Variants in LHX9 observed in about 807,000 individuals in gnomAD.
LHX9 encodes LIM homeobox 9, also known as LIM/homeobox protein Lhx9.
LHX9 carries 9 observed loss-of-function variants against 36.5 expected under a neutral mutation model. The ratio of observed to expected loss-of-function variants is 0.25; its 90% confidence interval spans 0.15 to 0.43. The LOEUF (loss-of-function observed/expected upper bound fraction) is 0.43. Ranked by LOEUF, LHX9 falls within the 20% of genes least tolerant of loss-of-function variation. LHX9 has a pLI of 1.00. For synonymous variants in LHX9, 211 were observed against 212.1 expected (o/e 0.99, Z 0.04); for missense variants, 464 against 526.4 (o/e 0.88, Z 1.16).
At chr1:197,916,668 A>C (rs1659765849), upstream of LHX9, 1 of 702,838 alleles carries the variant, frequency 1.4e-6, no homozygotes, top group Non-Finnish European at 2.6e-6. Flanking sequence ...TGCCAAAAGT[A>C]ACCCTGAGAA....
intron 3 of LHX9, among the ~76,000 whole-genome samples, chr1:197,923,222 C>T (rs992864350): frequency 3.9e-5 from 6 of 152,212 alleles, no homozygotes; most frequent in East Asian, 3.9e-4. Context: ...AAGGACCTGC[C>T]GGCTCACTGC....
At chr1:197,918,365 C>A (rs1176827484) in intron 1 of LHX9, 3 of 717,284 alleles carry the variant, frequency 4.2e-6, no homozygotes, top group Non-Finnish European at 7.8e-6. Context: ...TGGGCATAAG[C>A]AATAGGAGGA....
At chr1:197,913,464 G>T (rs1027221148), upstream of LHX9, among the ~76,000 whole-genome samples, 1 of 152,176 alleles carries the variant, frequency 6.6e-6, no homozygotes, top group African/African-American at 2.4e-5. Flanking sequence ...TCAGAAGTGC[G>T]CCCGTGCAGC....
At position 197,921,648 on chromosome 1, in the gene LHX9, A is replaced by G. The variant is rs1400347085; in HGVS notation, c.722A>G (p.Asn241Ser). ...CCAGCGCTGGGAGTGGACATCGTCA[A>G]TTACAACTCAGGTGTGCCTCCTATC... ...KSPALGVDIVNYNSGCNENEA... is the reference protein window; with the variant it reads ...KSPALGVDIVSYNSGCNENEA... Residue 241 changes from asparagine to serine, a missense_variant, in exon 3 of 5, where the codon AAT (asparagine) becomes AGT (serine). By Grantham distance (46) the Asn-to-Ser change is conservative (BLOSUM62 1). Coordinates refer to ENST00000367387, the MANE Select transcript of LHX9 (RefSeq NM_020204.3). The surrounding 1 kb of genome is among the most constrained non-coding windows in gnomAD (Gnocchi z 4.6). 3.2e-6 allele frequency: 5 copies of G among 1,585,874 alleles called. No individual in the cohort carries two copies. Among genetic ancestry groups the G allele is most frequent in the South Asian group, 1.1e-5 (1 of 89,396 alleles).
upstream of LHX9, among the ~76,000 whole-genome samples, chr1:197,913,403 G>C (rs542795137): frequency 3.9e-5 from 6 of 152,280 alleles, no homozygotes; most frequent in Admixed American, 3.9e-4. Flanking sequence ...TCCCAGCTCT[G>C]CTTGGCTGAC....
In LHX9 at chr1:197,920,124, C is replaced by T. The variant is rs758092976; in HGVS notation, c.327C>T (p.Leu109=). Residue 109 remains leucine, a synonymous_variant, in exon 2 of 5, where the codon CTC becomes CTT. Coordinates refer to ENST00000367387, the MANE Select transcript of LHX9 (RefSeq NM_020204.3). ...CECKLALESE[L]TCFAKDGSIY... ...GTAAGCTGGCCCTCGAGTCCGAGCT[C>T]ACCTGCTTTGCCAAGGACGGTAGCA... 3 of 1,614,240 alleles carry T rather than the reference C, an allele frequency of 1.9e-6. No individual in the cohort carries two copies. The highest frequency in any genetic ancestry group is 2.5e-6 in the Non-Finnish European group (3 of 1,180,048).
At chr1:197,919,024 T>A (rs1247653584) in intron 1 of LHX9, among the ~76,000 whole-genome samples, 3 of 152,186 alleles carry the variant, frequency 2.0e-5, no homozygotes, top group Non-Finnish European at 4.4e-5. Flanking sequence ...AGGGCTAAAC[T>A]TTACTTTTTC....
chr1:197,923,104 G>C (rs1001079722), intron 3 of LHX9, among the ~76,000 whole-genome samples: 11 of 152,194 alleles, frequency 7.2e-5, no homozygotes, highest in Non-Finnish European at 5.9e-5. Context: ...ATCCTTTATG[G>C]GCAAGCACAG....
At chr1:197,914,211 G>A (rs559230428), upstream of LHX9, among the ~76,000 whole-genome samples, 1 of 152,308 alleles carries the variant, frequency 6.6e-6, no homozygotes, top group South Asian at 2.1e-4. Flanking sequence ...GAGCAGTGCT[G>A]GTCAAGGGAC....
Position 197,934,362 on chromosome 1 carries a change from G to C in LHX9, c.*5103G>C, listed in dbSNP as rs1025704772. On this transcript the variant is annotated 3_prime_UTR_variant, in exon 5 of 5. Coordinates refer to ENST00000367387, the MANE Select transcript of LHX9 (RefSeq NM_020204.3). The stretch of plus-strand genomic sequence containing the variant: ...ATTAGAACTGGGAAGCTCTGGAATG[G>C]AAATTTGGAATCGTGTCATTCTAGG... The C allele has an allele frequency of 1.3e-5, 2 of 152,164 alleles. No homozygotes were observed. Among genetic ancestry groups the C allele is most frequent in the African/African-American group, 4.8e-5 (2 of 41,430 alleles). 9.4% of individuals were successfully genotyped at this position (152,164 alleles called of 1,614,324 possible). A position where few individuals can be genotyped will look rare whatever the true frequency, so the allele number is the denominator to read the frequency against.
rs1321940959 is a variant in LHX9, at chr1:197,934,750, GC to G, written c.*5494del. 6.6e-6 allele frequency: 1 copy of G among 151,508 alleles called. No homozygotes were observed. The highest frequency in any genetic ancestry group is 1.5e-5 in the Non-Finnish European group (1 of 67,944). The allele number at this position is 151,508 out of a possible 1,614,324, so 9.4% of individuals were successfully genotyped here. Reference sequence around the variant, plus strand: ...AAAATGCCTCTAATGTAAAGCCACAGCCCTGCTTCTAGCCAATGTCAAAAAT... The same window carrying G: ...AAAATGCCTCTAATGTAAAGCCACAGCCTGCTTCTAGCCAATGTCAAAAAT... On this transcript the variant is annotated 3_prime_UTR_variant, in exon 5 of 5. Transcript: ENST00000367387.
In LHX9 at chr1:197,920,107, G is replaced by A. The variant is rs754819516; in HGVS notation, c.310G>A (p.Ala104Thr). Reference protein sequence around the residue: ...RCLKCCECKLALESELTCFAK... With the variant: ...RCLKCCECKLTLESELTCFAK... ...CCTGAAGTGCTGTGAATGTAAGCTG[G>A]CCCTCGAGTCCGAGCTCACCTGCTT... Residue 104 changes from alanine to threonine, a missense_variant, in exon 2 of 5, where the codon GCC (alanine) becomes ACC (threonine). Physicochemically the swap from Ala to Thr is moderately conservative, Grantham distance 58 (BLOSUM62 0). This residue lies in a region of LHX9 where 93 missense variants were observed against 150.3 expected (regional missense o/e 0.62). Transcript: ENST00000367387. The A allele has an allele frequency of 1.2e-6, 2 of 1,614,112 alleles. No homozygotes were observed. The highest frequency in any genetic ancestry group is 1.7e-6 in the Non-Finnish European group (2 of 1,180,056).
At chr1:197,916,584 G>A, upstream of LHX9, 6 of 687,662 alleles carry the variant, frequency 8.7e-6, no homozygotes, top group Non-Finnish European at 1.3e-5. Flanking sequence ...TATGGCCAAG[G>A]CGCAATTGCG....
chr1:197,916,743 C>G, upstream of LHX9: 2 of 702,946 alleles, frequency 2.8e-6, no homozygotes, highest in Non-Finnish European at 5.2e-6. Context: ...GTCTCCGGCC[C>G]TCAAGAAGGT....
At chr1:197,916,833 A>C, upstream of LHX9, 2 of 701,270 alleles carry the variant, frequency 2.9e-6, no homozygotes, top group Non-Finnish European at 5.2e-6. Context: ...AGGAACCAGC[A>C]TTATCTCCAC....
upstream of LHX9, among the ~76,000 whole-genome samples, chr1:197,917,024 A>G (rs1383619073): frequency 1.3e-5 from 2 of 152,194 alleles, no homozygotes; most frequent in Non-Finnish European, 2.9e-5. Context: ...GCCTTCTGCA[A>G]CAGGGCGGGG....
Position 197,930,057 on chromosome 1 carries a change from A to G in LHX9, c.*798A>G, listed in dbSNP as rs752440858. ...TAAAGCTAAAAACAATAGCTCGGAA[A>G]CCATTCTTTCTAGTTACTTTTTTTC... On this transcript the variant is annotated 3_prime_UTR_variant, in exon 5 of 5. Coordinates refer to ENST00000367387, the MANE Select transcript of LHX9 (RefSeq NM_020204.3). 136 of 979,584 alleles carry G rather than the reference A, an allele frequency of 1.4e-4. No homozygotes were observed. The highest frequency in any genetic ancestry group is 1.6e-4 in the Non-Finnish European group (132 of 824,564). 60.7% of individuals were successfully genotyped at this position (979,584 alleles called of 1,614,324 possible). A position where few individuals can be genotyped will look rare whatever the true frequency, so the allele number is the denominator to read the frequency against.
At position 197,919,954 on chromosome 1, in the gene LHX9, G is replaced by C; in HGVS notation, c.175-18G>C. 1 of 1,613,026 alleles carries C rather than the reference G, an allele frequency of 6.2e-7. No homozygotes were observed. Among genetic ancestry groups the C allele is most frequent in the Non-Finnish European group, 8.5e-7 (1 of 1,179,686 alleles). On this transcript the variant is annotated intron_variant, in intron 1 of 4. Coordinates refer to ENST00000367387, the MANE Select transcript of LHX9 (RefSeq NM_020204.3). ...CACCGCGCGCCCTCCTCAGCCTTGCGGTGTGCTTTCTTTGCAGGGCATGCC... is the reference window on the plus strand; with the variant it reads ...CACCGCGCGCCCTCCTCAGCCTTGCCGTGTGCTTTCTTTGCAGGGCATGCC...
At chr1:197,927,461 A>G in intron 3 of LHX9, 130 bp from the exon 4 acceptor site, 1 of 754,486 alleles carries the variant, frequency 1.3e-6, no homozygotes, top group South Asian at 1.6e-5. Context: ...TCTAGATACT[A>G]CTCATAATTG....
Sources: allele counts gnomAD v4.1 joint callset (sites outside exome capture counted in the v4.1 genomes callset), GRCh38; gene constraint gnomAD v4.1.1; regional missense constraint gnomAD v4.1.1; non-coding constraint Gnocchi (gnomAD v3.1); transcripts MANE v1.5; gene names NCBI Gene and HGNC (gene_info 2026-07-23, HGNC 2026-07-21).